Variants in FKBP5 observed in about 807,000 individuals in gnomAD.
FKBP5 encodes the protein peptidyl-prolyl cis-trans isomerase FKBP5.
FKBP5 carries 23 observed loss-of-function variants against 50.5 expected under a neutral mutation model. The ratio of observed to expected loss-of-function variants is 0.46; its 90% confidence interval spans 0.33 to 0.65. The LOEUF is 0.65. Among genes scored for constraint, FKBP5 ranks in the 30% least tolerant of loss-of-function variants. FKBP5 has a pLI of 0.02. For synonymous variants in FKBP5, 176 were observed against 190.6 expected (o/e 0.92, Z 0.63); for missense variants, 411 against 553.1 (o/e 0.74, Z 2.58).
chr6:35,607,572 A>G (rs1005230082), intron 5 of FKBP5: 1 of 152,464 alleles, frequency 6.6e-6, no homozygotes, highest in African/African-American at 2.4e-5. Context: ...TCAATGGTGG[A>G]TTGGATAAAA....
At chr6:35,606,256 A>C (rs531701162) in intron 5 of FKBP5, among the ~76,000 whole-genome samples, 15 of 152,346 alleles carry the variant, frequency 9.8e-5, no homozygotes, top group African/African-American at 3.4e-4. Flanking sequence ...GGACACGAAG[A>C]AGCAGCCAAC....
At chr6:35,583,125 T>C (rs779908362) in intron 8 of FKBP5, 312 of 985,224 alleles carry the variant, frequency 3.2e-4, no homozygotes, top group Non-Finnish European at 3.6e-4. Flanking sequence ...TTTGCTATCA[T>C]TGGGAGCAAA....
At chr6:35,714,970 C>T (rs559771116) in intron 2 of FKBP5, among the ~76,000 whole-genome samples, 8 of 152,106 alleles carry the variant, frequency 5.3e-5, no homozygotes, top group Non-Finnish European at 8.8e-5. Flanking sequence ...TGTAGTCGCA[C>T]GATGTCGGCT....
chr6:35,630,162 G>GAGGA (rs1282569058), intron 3 of FKBP5, among the ~76,000 whole-genome samples: 2 of 151,240 alleles, frequency 1.3e-5, no homozygotes, highest in African/African-American at 2.4e-5. Context: ...GAGGGAGGAG[G>GAGGA]AGGAAGAAAG....
intron 1 of FKBP5, among the ~76,000 whole-genome samples, chr6:35,668,650 C>CT (rs1305672061): frequency 5.3e-5 from 8 of 151,294 alleles, no homozygotes; most frequent in African/African-American, 1.9e-4. Context: ...TATTATTATA[C>CT]TTTAAGTTTT....
intron 5 of FKBP5, among the ~76,000 whole-genome samples, chr6:35,614,134 T>C (rs1266656304): frequency 2.0e-5 from 3 of 152,138 alleles, no homozygotes; most frequent in Non-Finnish European, 2.9e-5. Context: ...GGTCAAGCCA[T>C]CCTCCTGCCT....
intron 7 of FKBP5, among the ~76,000 whole-genome samples, chr6:35,589,102 A>ATATT (rs1486727404): frequency 7.8e-5 from 10 of 128,178 alleles, no homozygotes; most frequent in Middle Eastern, 4.1e-3. Context: ...TTATATATAT[A>ATATT]TATATTTTTA....
chr6:35,606,967 G>A (rs1033282849), intron 5 of FKBP5, among the ~76,000 whole-genome samples: 3 of 152,156 alleles, frequency 2.0e-5, no homozygotes, highest in Non-Finnish European at 4.4e-5. Context: ...TTGAGACAGA[G>A]TCTCACTCTG....
At chr6:35,714,966 C>T (rs753247044) in intron 2 of FKBP5, among the ~76,000 whole-genome samples, 28 of 151,754 alleles carry the variant, frequency 1.8e-4, no homozygotes, top group Non-Finnish European at 3.1e-4. Context: ...GGAGTGTAGT[C>T]GCACGATGTC....
intron 5 of FKBP5, among the ~76,000 whole-genome samples, chr6:35,615,761 G>C (rs1375833761): frequency 6.6e-6 from 1 of 152,126 alleles, no homozygotes; most frequent in Non-Finnish European, 1.5e-5. Context: ...TACAAAACAA[G>C]ATAGTACTTC....
At chr6:35,662,353 C>T (rs1253928719) in intron 1 of FKBP5, among the ~76,000 whole-genome samples, 1 of 151,492 alleles carries the variant, frequency 6.6e-6, no homozygotes, top group African/African-American at 2.4e-5. Context: ...TGGCTCACTA[C>T]AGCCTCAACC....
chr6:35,583,826 A>G, intron 8 of FKBP5: 4 of 985,458 alleles, frequency 4.1e-6, no homozygotes, highest in Non-Finnish European at 4.8e-6. Context: ...TTTTTAAAAC[A>G]TCAAATCCTA....
upstream of FKBP5, among the ~76,000 whole-genome samples, chr6:35,691,015 T>A (rs184238108): frequency 3.7e-4 from 55 of 150,242 alleles, 1 homozygote; most frequent in East Asian, 8.7e-3. Flanking sequence ...TCAAAAAAAA[T>A]AATAATAAAT....
Position 35,707,473 on chromosome 6 carries a change from G to A in FKBP5, c.-20+12855C>T, listed in dbSNP as rs11961042. On this transcript the variant is annotated intron_variant, in intron 2 of 11. Coordinates refer to the FKBP5 transcript ENST00000536438. The stretch of plus-strand genomic sequence containing the variant: ...TGACCTCAGGTAATCCGCCCGCCTC[G>A]GCCTCCCAAAGTGCTGGGATTACAG... Among the ~76,000 whole-genome samples the A allele has an allele frequency of 8.6e-3, 1,302 of 151,702 alleles. 17 individuals are homozygous for A. Among genetic ancestry groups the A allele is most frequent in the African/African-American group, 0.028 (1,140 of 41,318 alleles).
chr6:35,655,963 A>C (rs567006374), intron 1 of FKBP5, among the ~76,000 whole-genome samples: 162 of 152,348 alleles, frequency 1.1e-3, no homozygotes, highest in African/African-American at 3.7e-3. Context: ...AGTCAAGAAC[A>C]AAGGACCACA....
At chr6:35,636,083 C>T (rs750902964) in intron 3 of FKBP5, among the ~76,000 whole-genome samples, 9 of 152,216 alleles carry the variant, frequency 5.9e-5, no homozygotes, top group African/African-American at 9.6e-5. Context: ...GATCTTGTAA[C>T]ATCTTGCATT....
chr6:35,586,130 C>G, intron 8 of FKBP5: 3 of 984,810 alleles, frequency 3.0e-6, no homozygotes, highest in Non-Finnish European at 3.6e-6. Flanking sequence ...ATCACTAAGC[C>G]CTTTCTGCTT....
chr6:35,600,948 A>G (rs1035529712), intron 5 of FKBP5, among the ~76,000 whole-genome samples: 1 of 152,242 alleles, frequency 6.6e-6, no homozygotes, highest in African/African-American at 2.4e-5. Context: ...ACTAATAAAC[A>G]TGTTGGGAAA....
At chr6:35,670,548 T>A (rs969962479) in intron 1 of FKBP5, among the ~76,000 whole-genome samples, 1 of 151,476 alleles carries the variant, frequency 6.6e-6, no homozygotes, top group African/African-American at 2.4e-5. Flanking sequence ...GCCAATATGG[T>A]GAAACCCCGA....
Sources: allele counts gnomAD v4.1 joint callset (sites outside exome capture counted in the v4.1 genomes callset), GRCh38; gene constraint gnomAD v4.1.1; transcripts MANE v1.5; gene names NCBI Gene and HGNC (gene_info 2026-07-23, HGNC 2026-07-21).